The following AK5 variants were observed in gnomAD, a reference collection of about 807,000 sequenced individuals.
The protein encoded by AK5 is adenylate kinase 5.
A neutral mutation model predicts 69.5 loss-of-function variants in AK5; 27 were observed. The ratio of observed to expected loss-of-function variants is 0.39; its 90% CI spans 0.29 to 0.54. AK5 has a LOEUF of 0.54. Ranked by LOEUF, AK5 falls within the 20% of genes least tolerant of loss-of-function variation. The pLI is 0.71. For missense variants in AK5, 531 were observed against 700.4 expected (o/e 0.76, Z 2.73); for synonymous variants, 260 against 244.4 (o/e 1.06, Z -0.60).
At chr1:77,330,913 C>T (rs1185706149) in intron 5 of AK5, among the ~76,000 whole-genome samples, 1 of 152,098 alleles carries the variant, frequency 6.6e-6, no homozygotes, top group Non-Finnish European at 1.5e-5. Context: ...TTGTACCATC[C>T]TTCATTAGAT....
At chr1:77,369,921 G>C (rs377631255) in intron 6 of AK5, among the ~76,000 whole-genome samples, 1 of 152,136 alleles carries the variant, frequency 6.6e-6, no homozygotes, top group African/African-American at 2.4e-5. Context: ...CTTTAATGCC[G>C]CTGCCAATAA....
intron 10 of AK5, among the ~76,000 whole-genome samples, chr1:77,489,237 C>G (rs1655824131): frequency 6.7e-6 from 1 of 149,960 alleles, no homozygotes; most frequent in African/African-American, 2.5e-5. Flanking sequence ...AGACCACCCT[C>G]TAAGAATTGC....
At chr1:77,366,363 C>G (rs1223463234) in intron 6 of AK5, among the ~76,000 whole-genome samples, 5 of 152,152 alleles carry the variant, frequency 3.3e-5, no homozygotes, top group Non-Finnish European at 7.4e-5. Flanking sequence ...TTTGTAGGTG[C>G]TATTCCTATT....
intron 12 of AK5, among the ~76,000 whole-genome samples, chr1:77,523,182 G>A (rs1658092272): frequency 6.6e-6 from 1 of 152,134 alleles, no homozygotes; most frequent in African/African-American, 2.4e-5. Flanking sequence ...AAGGTCAATT[G>A]CTCATCTTCC....
At chr1:77,331,244 A>G (rs951677473) in intron 5 of AK5, among the ~76,000 whole-genome samples, 3 of 152,012 alleles carry the variant, frequency 2.0e-5, no homozygotes, top group African/African-American at 7.2e-5. Flanking sequence ...TAAAATCTCT[A>G]TTACAATGTT....
chr1:77,355,475 G>A (rs1662463116), intron 6 of AK5, among the ~76,000 whole-genome samples: 1 of 152,070 alleles, frequency 6.6e-6, no homozygotes, highest in African/African-American at 2.4e-5. Flanking sequence ...GTTACTTGTA[G>A]TTGTTCAAAA....
intron 6 of AK5, among the ~76,000 whole-genome samples, chr1:77,381,673 A>G (rs140213509): frequency 1.1e-4 from 17 of 152,226 alleles, no homozygotes; most frequent in African/African-American, 3.4e-4. Context: ...AATCTGAACA[A>G]TTTTCTTCAG....
At chr1:77,337,535 T>C (rs1261047868) in intron 5 of AK5, among the ~76,000 whole-genome samples, 1 of 152,164 alleles carries the variant, frequency 6.6e-6, no homozygotes, top group Admixed American at 6.5e-5. Context: ...TTATATCTTT[T>C]ATTATAGTGG....
chr1:77,521,591 A>G (rs1430025978), intron 11 of AK5, among the ~76,000 whole-genome samples: 4 of 152,228 alleles, frequency 2.6e-5, no homozygotes, highest in Admixed American at 2.0e-4. Context: ...CCAGTAAGAA[A>G]AAAACACTAA....
intron 6 of AK5, among the ~76,000 whole-genome samples, chr1:77,381,199 G>A (rs1301665622): frequency 2.6e-5 from 4 of 152,088 alleles, no homozygotes; most frequent in Non-Finnish European, 5.9e-5. Context: ...AGGTGATCAG[G>A]TAATACCCAG....
intron 10 of AK5, among the ~76,000 whole-genome samples, chr1:77,499,885 T>C (rs1656603242): frequency 6.9e-6 from 1 of 144,032 alleles, no homozygotes. Context: ...TTTTTTTTTT[T>C]TTTTTTTTTT....
chr1:77,293,516 T>C (rs1038669351), intron 2 of AK5: 1 of 242,450 alleles, frequency 4.1e-6, no homozygotes, highest in East Asian at 9.1e-5. Flanking sequence ...GAAGTTTTAT[T>C]GGAACACAGG....
At chr1:77,387,275 G>A (rs1009291429) in intron 6 of AK5, among the ~76,000 whole-genome samples, 6 of 152,190 alleles carry the variant, frequency 3.9e-5, no homozygotes, top group Admixed American at 3.9e-4. Flanking sequence ...GCTAGGACAT[G>A]AGCATGACTT....
chr1:77,296,814 T>C (rs1659030046), intron 3 of AK5, among the ~76,000 whole-genome samples: 2 of 152,216 alleles, frequency 1.3e-5, no homozygotes, highest in African/African-American at 4.8e-5. Flanking sequence ...TTATTTTGCA[T>C]ATGACAAAGA....
intron 13 of AK5, among the ~76,000 whole-genome samples, chr1:77,555,964 C>A (rs1163746871): frequency 6.6e-6 from 1 of 152,222 alleles, no homozygotes; most frequent in Non-Finnish European, 1.5e-5. Context: ...ATGGCAAAGG[C>A]AAAGCCCCTA....
At chr1:77,341,773 G>A (rs1014018835) in intron 6 of AK5, among the ~76,000 whole-genome samples, 2 of 152,204 alleles carry the variant, frequency 1.3e-5, no homozygotes, top group Non-Finnish European at 2.9e-5. Context: ...TCTGGAAATT[G>A]TTCACAATGC....
chr1:77,483,615 G>T (rs887440788), intron 9 of AK5, among the ~76,000 whole-genome samples: 1 of 152,068 alleles, frequency 6.6e-6, no homozygotes, highest in Non-Finnish European at 1.5e-5. Flanking sequence ...GCGAAAAGAG[G>T]ATGCTCTACT....
chr1:77,367,814 A>ATATATAT (rs1647013994), intron 6 of AK5, among the ~76,000 whole-genome samples: 1 of 10,586 alleles, frequency 9.4e-5, no homozygotes. Context: ...AATATATGTT[A>ATATATAT]TATATATTAT....
rs1650009842 is a variant in AK5, at chr1:77,411,037, C to T, written c.948C>T (p.Asp316=). ...EVFYDISMAV[D]NKLFPNKEAA... ...TCTATGACATCAGCATGGCAGTTGA[C>T]AACAAGTTATTTCCAAACAAAGAGG... The change falls in exon 7 of 14, where the codon GAC becomes GAT. Residue 316 remains aspartate (D), a synonymous_variant. Transcript: ENST00000354567. The T allele has an allele frequency of 1.2e-6, 2 of 1,613,792 alleles. No homozygotes were observed. The highest frequency in any genetic ancestry group is 3.3e-5 in the Admixed American group (2 of 59,986).
Sources: gnomAD v4.1 joint callset for allele counts (sites outside exome capture counted in the v4.1 genomes callset) on GRCh38, gnomAD v4.1.1 for gene constraint, MANE v1.5 for transcripts, NCBI Gene and HGNC (gene_info 2026-07-23, HGNC 2026-07-21) for gene names.